YIF1A: variants seen among roughly 807,000 people sequenced by gnomAD.
YIF1A encodes the protein Yip1 interacting factor homolog A, membrane trafficking protein.
Under a neutral mutation model 32.6 loss-of-function variants are expected in YIF1A, and 28 were observed. The ratio of observed to expected loss-of-function variants is 0.86; its 90% CI spans 0.64 to 1.18. YIF1A has a LOEUF of 1.18. YIF1A is among the 50% of genes most tolerant of loss of function. The pLI, the probability that YIF1A is intolerant of heterozygous loss-of-function variation, is 0.00. For missense variants in YIF1A, 373 were observed against 390.8 expected (o/e 0.95, Z 0.38); for synonymous variants, 175 against 162.2 (o/e 1.08, Z -0.60).
chr11:66,285,530 G>T lies in YIF1A; in HGVS notation c.492C>A (p.Ser164=). 1 of 1,612,962 alleles carries T rather than the reference G, an allele frequency of 6.2e-7. No homozygotes were observed. The highest frequency in any genetic ancestry group is 8.5e-7 in the Non-Finnish European group (1 of 1,180,012). Residue 164 remains serine (S), a synonymous_variant, in exon 6 of 8, where the codon TCC becomes TCA. Coordinates refer to ENST00000376901, the MANE Select transcript of YIF1A (RefSeq NM_020470.3). ...GMALGIQKRF[S]PEVLGLCAST... The stretch of plus-strand genomic sequence containing the variant: ...TTGCACACAGGCCCAGCACCTCCGG[G>T]GAGAACCTGCGCCAAAGCAGGGGTG...
intron 4 of YIF1A, among the ~76,000 whole-genome samples, chr11:66,286,638 A>T (rs1030145830): frequency 3.3e-4 from 50 of 151,668 alleles, no homozygotes; most frequent in African/African-American, 1.1e-3. Context: ...AAAGAAGAAG[A>T]AAAAAAAAGC....
In YIF1A at chr11:66,287,690, T is replaced by TGGCAGC. The variant is rs1565187935; in HGVS notation, c.349-20_349-15dup. 6.2e-7 allele frequency: 1 copy of TGGCAGC among 1,611,084 alleles called. No individual in the cohort carries two copies. The highest frequency in any genetic ancestry group is 1.3e-5 in the African/African-American group (1 of 74,706). ...CACTTCCCAGTTCTGGCAGTGGCAGTGGCAGCAGCGGCCACATCAGGAGGG... is the reference window on the plus strand; with the variant it reads ...CACTTCCCAGTTCTGGCAGTGGCAGTGGCAGCGGCAGCAGCGGCCACATCAGGAGGG... On this transcript the variant is annotated splice_polypyrimidine_tract_variant and intron_variant, in intron 3 of 7. Coordinates refer to ENST00000376901, the MANE Select transcript of YIF1A (RefSeq NM_020470.3).
chr11:66,287,975 C>CTGTG (rs1233548497), intron 2 of YIF1A, 59 bp from the exon 3 acceptor site: 3 of 1,605,846 alleles, frequency 1.9e-6, no homozygotes, highest in Non-Finnish European at 2.6e-6. Flanking sequence ...GGGTGCCCCT[C>CTGTG]TGTGTGCTCC....
At chr11:66,285,624 AC>A (rs1857344177) in intron 5 of YIF1A, 76 bp downstream of exon 5, 7 of 1,609,936 alleles carry the variant, frequency 4.3e-6, no homozygotes, top group Non-Finnish European at 5.9e-6. Flanking sequence ...TGAGCTGGGG[AC>A]CACCACATAT....
Position 66,285,733 on chromosome 11 carries a change from G to A in YIF1A, c.453C>T (p.Leu151=), listed in dbSNP as rs777399288. 1 of 1,613,246 alleles carries A rather than the reference G, an allele frequency of 6.2e-7. No homozygotes were observed. Among genetic ancestry groups the A allele is most frequent in the African/African-American group, 1.3e-5 (1 of 75,032 alleles). The change falls in exon 5 of 8, where the codon CTC becomes CTT. Residue 151 remains leucine (L), a synonymous_variant. Coordinates refer to ENST00000376901, the MANE Select transcript of YIF1A (RefSeq NM_020470.3). ...IPTMAFITYV[L]LAGMALGIQK... ...GAATGCCCAGTGCCATCCCAGCCAG[G>A]AGCACGTAAGTAATGAAGGCCATCG...
chr11:66,288,357 C>A, intron 1 of YIF1A, 65 bp from the exon 2 acceptor site: 1 of 1,596,928 alleles, frequency 6.3e-7, no homozygotes, highest in Non-Finnish European at 8.6e-7. Context: ...ACCACCGCCC[C>A]TTCCCTGGCT....
Position 66,285,716 on chromosome 11 carries a change from A to T in YIF1A, c.470T>A (p.Leu157Gln). The change falls in exon 5 of 8, where the codon CTG (leucine) becomes CAG (glutamine). Residue 157 changes from leucine to glutamine, a missense_variant. Transcript: ENST00000376901. ...TGGCACTGACCTTTTCTGAATGCCC[A>T]GTGCCATCCCAGCCAGGAGCACGTA... Reference protein sequence around the residue: ...ITYVLLAGMALGIQKRFSPEV... With the variant: ...ITYVLLAGMAQGIQKRFSPEV... The T allele has an allele frequency of 6.2e-7, 1 of 1,613,346 alleles. No individual in the cohort carries two copies.
At chr11:66,287,376 G>A (rs1392351685) in intron 4 of YIF1A, 1 of 577,542 alleles carries the variant, frequency 1.7e-6, no homozygotes, top group Admixed American at 3.0e-5. Context: ...AAACAGGAAG[G>A]TCTCAAAAGG....
At chr11:66,285,034 A>T in intron 6 of YIF1A, 68 bp from the exon 7 acceptor site, 1 of 1,530,236 alleles carries the variant, frequency 6.5e-7, no homozygotes, top group Non-Finnish European at 9.0e-7. Flanking sequence ...CCCTACCCCC[A>T]ACGCCCAGAG....
At position 66,284,858 on chromosome 11, in the gene YIF1A, G is replaced by A. The variant is rs534696562; in HGVS notation, c.735+15C>T. 5 of 1,612,924 alleles carry A rather than the reference G, an allele frequency of 3.1e-6. No individual in the cohort carries two copies. The highest frequency in any genetic ancestry group is 4.2e-6 in the Non-Finnish European group (5 of 1,179,896). On this transcript the variant is annotated intron_variant, in intron 7 of 7. Coordinates refer to ENST00000376901, the MANE Select transcript of YIF1A (RefSeq NM_020470.3). ...CAAGTGAAGGCAGGGGAATGGGGGG[G>A]TGCACCAGACTCACAATGAAGTACA...
Position 66,287,648 on chromosome 11 carries a change from G to A in YIF1A, c.377C>T (p.Ala126Val). Residue 126 changes from alanine (A) to valine (V), a missense_variant, in exon 4 of 8, where the codon GCT becomes GTT. Coordinates refer to ENST00000376901, the MANE Select transcript of YIF1A (RefSeq NM_020470.3). ...GAGGTCTTGCCGGGGGGGCAGAGGA[G>A]CATCACGACTGTACTGCACTTCCCA... ...QNWEVQYSRDAPLPPRQDLNA... is the reference protein window; with the variant it reads ...QNWEVQYSRDVPLPPRQDLNA... The A allele has an allele frequency of 4.3e-6, 7 of 1,613,684 alleles. No individual in the cohort carries two copies. Among genetic ancestry groups the A allele is most frequent in the Non-Finnish European group, 5.9e-6 (7 of 1,179,970 alleles).
Position 66,288,161 on chromosome 11 carries a change from G to C in YIF1A, c.163C>G (p.Leu55Val), listed in dbSNP as rs369056367. Residue 55 changes from leucine (L) to valine (V), a missense_variant, in exon 2 of 8, where the codon CTT (leucine) becomes GTT (valine). Physicochemically the swap from Leu to Val is conservative, Grantham distance 32 (BLOSUM62 1). Transcript: ENST00000376901. ...ADVAFSVNHL[L>V]GDPMANVAMA... ...GCCACATTGGCCATTGGGTCCCCAAGCAAGTGGTTGACACTGAAGGCCACG... is the reference window on the plus strand; with the variant it reads ...GCCACATTGGCCATTGGGTCCCCAACCAAGTGGTTGACACTGAAGGCCACG... 1.2e-6 allele frequency: 2 copies of C among 1,614,080 alleles called. No homozygotes were observed. Among genetic ancestry groups the C allele is most frequent in the African/African-American group, 2.7e-5 (2 of 74,956 alleles).
At chr11:66,286,569 G>A (rs1179247427) in intron 4 of YIF1A, among the ~76,000 whole-genome samples, 1 of 152,220 alleles carries the variant, frequency 6.6e-6, no homozygotes, top group Non-Finnish European at 1.5e-5. Context: ...AGAGGCTGCA[G>A]TGAGCCAAGA....
rs750676290 is a variant in YIF1A at position 66,288,083 on chromosome 11, C to G, written c.241G>C (p.Glu81Gln). Residue 81 changes from glutamate to glutamine, a missense_variant and splice_region_variant, in exon 2 of 8, where the codon GAG becomes CAG. Physicochemically the swap from Glu to Gln is conservative, Grantham distance 29. Coordinates refer to ENST00000376901, the MANE Select transcript of YIF1A (RefSeq NM_020470.3). ...ASHGKDMVHK[E>Q]LHRFVSVSKL... ...CGTGCCCCGGGGGCAGGCCACACCT[C>G]CTTGTGCACCATGTCCTTCCCATGG... is the stretch of plus-strand genomic sequence containing the variant. The G allele has an allele frequency of 1.9e-6, 3 of 1,613,336 alleles. No individual in the cohort carries two copies. In the South Asian group the frequency reaches 3.3e-5, roughly 18 times the overall value.
chr11:66,289,059 C>G lies in YIF1A; in HGVS notation c.-74G>C. The stretch of plus-strand genomic sequence containing the variant: ...TACGAATACTAATGAGGCAGCTGCT[C>G]CGCGCCCAGGGTACCGACCGAGGCC... On this transcript the variant is annotated 5_prime_UTR_variant, in exon 1 of 8. Coordinates refer to ENST00000376901, the MANE Select transcript of YIF1A (RefSeq NM_020470.3). The G allele has an allele frequency of 1.3e-6, 2 of 1,509,236 alleles. No homozygotes were observed. The highest frequency in any genetic ancestry group is 1.8e-6 in the Non-Finnish European group (2 of 1,136,242). 93.5% of individuals were successfully genotyped at this position (1,509,236 alleles called of 1,614,324 possible). A position where few individuals can be genotyped will look rare whatever the true frequency, so the allele number is the denominator to read the frequency against.
Position 66,284,601 on chromosome 11 carries a change from T to G in YIF1A, c.*36A>C. On this transcript the variant is annotated 3_prime_UTR_variant, in exon 8 of 8. Coordinates refer to ENST00000376901, the MANE Select transcript of YIF1A (RefSeq NM_020470.3). ...AAAGTCAAGGAAATCAAATCTTCAA[T>G]GAATGAAAAACTCAGTGCCATCTGG... 1.2e-6 allele frequency: 2 copies of G among 1,606,496 alleles called. No homozygotes were observed. Among genetic ancestry groups the G allele is most frequent in the Non-Finnish European group, 1.7e-6 (2 of 1,175,620 alleles).
chr11:66,288,274 C>A lies in YIF1A; in HGVS notation c.50G>T (p.Arg17Leu), dbSNP rs555655516. Residue 17 changes from arginine (R) to leucine (L), a missense_variant, in exon 2 of 8, where the codon CGG (arginine) becomes CTG (leucine). Transcript: ENST00000376901. ...GAGGGGAGGGGGATCCGGGGCTGCC[C>A]GGGCCCTGTGCTTGGAGCCTGTGGG... ...YGAHGSKHRARAAPDPPPLFD... is the reference protein window; with the variant it reads ...YGAHGSKHRALAAPDPPPLFD... 6.2e-7 allele frequency: 1 copy of A among 1,613,938 alleles called. No individual in the cohort carries two copies. Among genetic ancestry groups the A allele is most frequent in the Non-Finnish European group, 8.5e-7 (1 of 1,180,044 alleles).
Position 66,284,855 on chromosome 11 carries a change from G to A in YIF1A, c.735+18C>T. The stretch of plus-strand genomic sequence containing the variant: ...CCTCAAGTGAAGGCAGGGGAATGGG[G>A]GGGTGCACCAGACTCACAATGAAGT... On this transcript the variant is annotated intron_variant, in intron 7 of 7. Coordinates refer to ENST00000376901, the MANE Select transcript of YIF1A (RefSeq NM_020470.3). 6.2e-7 allele frequency: 1 copy of A among 1,612,998 alleles called. No homozygotes were observed. The highest frequency in any genetic ancestry group is 1.1e-5 in the South Asian group (1 of 91,084).
intron 1 of YIF1A, 143 bp downstream of exon 1, chr11:66,288,812 T>TG: frequency 1.0e-6 from 1 of 1,000,246 alleles, no homozygotes; most frequent in Non-Finnish European, 1.4e-6. Context: ...CGGGACGTGT[T>TG]GGAGTGTTAC....
Sources: allele counts gnomAD v4.1 joint callset (sites outside exome capture counted in the v4.1 genomes callset), GRCh38; gene constraint gnomAD v4.1.1; transcripts MANE v1.5; gene names NCBI Gene and HGNC (gene_info 2026-07-23, HGNC 2026-07-21).